The following CSMD3 variants were observed in gnomAD, a reference collection of about 807,000 sequenced individuals.
CSMD3 encodes the protein CUB and sushi domain-containing protein 3.
CSMD3 carries 177 observed loss-of-function variants against 435.2 expected under a neutral mutation model. The ratio of observed to expected loss-of-function variants is 0.41; its 90% CI spans 0.36 to 0.46. The LOEUF is 0.46. CSMD3 is among the 20% of genes least tolerant of loss of function. The pLI is 0.34. For synonymous variants in CSMD3, 1,656 were observed against 1,520.5 expected, an observed-to-expected ratio of 1.09 and a Z score of -2.07; for missense variants, 4,265 against 4,504.6, an observed-to-expected ratio of 0.95 and a Z score of 1.52.
intron 11 of CSMD3, among the ~76,000 whole-genome samples, chr8:112,837,713 A>G (rs878879223): frequency 6.6e-6 from 1 of 151,688 alleles, no homozygotes; most frequent in Non-Finnish European, 1.5e-5. Context: ...TTTGATTCCA[A>G]GATAAGAGTT....
At chr8:112,371,992 A>G (rs1467019038) in intron 38 of CSMD3, among the ~76,000 whole-genome samples, 1 of 152,196 alleles carries the variant, frequency 6.6e-6, no homozygotes, top group Non-Finnish European at 1.5e-5. Flanking sequence ...ACAAGGTGGA[A>G]GAAAGGAAGA....
chr8:112,929,071 C>T (rs544759054), intron 9 of CSMD3, among the ~76,000 whole-genome samples: 56 of 149,582 alleles, frequency 3.7e-4, no homozygotes, highest in Admixed American at 2.0e-3. Flanking sequence ...TGTTTTTTGG[C>T]TGCATAAATG....
chr8:112,608,534 C>A (rs1832973271), intron 22 of CSMD3, among the ~76,000 whole-genome samples: 1 of 151,730 alleles, frequency 6.6e-6, no homozygotes, highest in Admixed American at 6.6e-5. Flanking sequence ...CAAATTATTA[C>A]AAAACAAAAC....
chr8:113,174,807 A>T (rs2092323213), intron 3 of CSMD3, among the ~76,000 whole-genome samples: 1 of 151,858 alleles, frequency 6.6e-6, no homozygotes, highest in South Asian at 2.1e-4. Context: ...ATAAAAACAC[A>T]AACAGTAATT....
intron 22 of CSMD3, among the ~76,000 whole-genome samples, chr8:112,589,769 T>C (rs1164235231): frequency 2.6e-5 from 4 of 152,136 alleles, no homozygotes; most frequent in African/African-American, 7.2e-5. Context: ...AGGGCATATA[T>C]GAAAACGTCA....
At chr8:113,069,217 CTAG>C (rs1218886375) in intron 5 of CSMD3, among the ~76,000 whole-genome samples, 2 of 152,050 alleles carry the variant, frequency 1.3e-5, no homozygotes, top group Non-Finnish European at 1.5e-5. Flanking sequence ...ACAACGCTGC[CTAG>C]TAGATTAGAC....
intron 1 of CSMD3, among the ~76,000 whole-genome samples, chr8:113,332,351 C>T (rs1185598202): frequency 7.3e-6 from 1 of 137,596 alleles, no homozygotes; most frequent in Non-Finnish European, 1.6e-5. Context: ...TAAAGCAGAA[C>T]ATAATAAAAT....
At chr8:112,299,083 G>C (rs1281169373) in intron 53 of CSMD3, among the ~76,000 whole-genome samples, 1 of 152,072 alleles carries the variant, frequency 6.6e-6, no homozygotes, top group Admixed American at 6.6e-5. Flanking sequence ...GAGAATAAAA[G>C]AAGCCTTATA....
intron 2 of CSMD3, among the ~76,000 whole-genome samples, chr8:113,306,318 G>A (rs2093820922): frequency 6.6e-6 from 1 of 152,030 alleles, no homozygotes; most frequent in Non-Finnish European, 1.5e-5. Context: ...ACTCTGAAGG[G>A]AGAAATCTTT....
At chr8:113,276,118 T>C (rs1470643297) in intron 3 of CSMD3, among the ~76,000 whole-genome samples, 3 of 152,110 alleles carry the variant, frequency 2.0e-5, no homozygotes, top group African/African-American at 4.8e-5. Flanking sequence ...TCATGTTACA[T>C]AGACTTAAGC....
intron 11 of CSMD3, among the ~76,000 whole-genome samples, chr8:112,857,758 C>T (rs2080703957): frequency 6.6e-6 from 1 of 150,812 alleles, no homozygotes; most frequent in Non-Finnish European, 1.5e-5. Flanking sequence ...ATAAAAAGTG[C>T]TAGAAAAAAA....
At chr8:112,672,498 C>T (rs1563836423) in intron 16 of CSMD3, among the ~76,000 whole-genome samples, 1 of 152,044 alleles carries the variant, frequency 6.6e-6, no homozygotes, top group Non-Finnish European at 1.5e-5. Context: ...GCATGGTTGA[C>T]AAGACCCCCA....
intron 5 of CSMD3, among the ~76,000 whole-genome samples, chr8:113,031,134 C>A (rs1284884760): frequency 6.6e-6 from 1 of 151,540 alleles, no homozygotes; most frequent in East Asian, 1.9e-4. Context: ...TGAAATTGTA[C>A]TATTGAGTAC....
At chr8:113,224,661 T>C (rs895772289) in intron 3 of CSMD3, among the ~76,000 whole-genome samples, 2 of 151,280 alleles carry the variant, frequency 1.3e-5, no homozygotes, top group African/African-American at 4.8e-5. Context: ...ATTTATATAG[T>C]GGGTCCTTAA....
chr8:112,515,852 C>CT lies in CSMD3; in HGVS notation c.4756+1181dup, dbSNP rs547594247. Among the ~76,000 whole-genome samples, 223 of 149,204 alleles carry CT rather than the reference C, an allele frequency of 1.5e-3. 3 individuals carry two copies. Among genetic ancestry groups the CT allele is most frequent in the South Asian group, 0.013 (61 of 4,698 alleles). The stretch of plus-strand genomic sequence containing the variant: ...AAAATAGAGAAAATGTGTTGTAAAA[C>CT]TTTTTTTTTTATTATTTCACTGCAA... On this transcript the variant is annotated intron_variant, in intron 28 of 70. Coordinates refer to ENST00000297405, the MANE Select transcript of CSMD3 (RefSeq NM_198123.2).
chr8:112,394,325 A>G (rs114221395), intron 35 of CSMD3, among the ~76,000 whole-genome samples: 1 of 152,132 alleles, frequency 6.6e-6, no homozygotes, highest in African/African-American at 2.4e-5. Flanking sequence ...CCCCTCCATT[A>G]CCTTGATAGG....
chr8:113,032,822 G>T (rs371933211), intron 5 of CSMD3, among the ~76,000 whole-genome samples: 3 of 151,468 alleles, frequency 2.0e-5, no homozygotes, highest in African/African-American at 7.3e-5. Context: ...CCAGGCCTAG[G>T]AGGAAAAAAT....
intron 35 of CSMD3, among the ~76,000 whole-genome samples, chr8:112,405,234 T>TATATATGTATATATATATATATATATAC (rs1831726202): frequency 1.1e-5 from 1 of 93,572 alleles, no homozygotes; most frequent in African/African-American, 4.7e-5. Context: ...TATATATATA[T>TATATATGTATATATATATATATATATAC]ATATATATAT....
At chr8:112,707,047 T>A (rs2076513834) in intron 13 of CSMD3, among the ~76,000 whole-genome samples, 2 of 151,800 alleles carry the variant, frequency 1.3e-5, no homozygotes, top group Admixed American at 6.6e-5. Flanking sequence ...TTTAAAAGAG[T>A]TTGCAAGCAA....
Sources: allele counts gnomAD v4.1 joint callset (sites outside exome capture counted in the v4.1 genomes callset), GRCh38; gene constraint gnomAD v4.1.1; transcripts MANE v1.5; gene names NCBI Gene and HGNC (gene_info 2026-07-23, HGNC 2026-07-21).